Variants in CUL3 observed in about 807,000 individuals in gnomAD.
CUL3 encodes cullin-3.
A neutral mutation model predicts 89.1 loss-of-function variants in CUL3; 19 were observed. The ratio of observed to expected loss-of-function variants is 0.21; its 90% CI spans 0.15 to 0.31. The LOEUF (loss-of-function observed/expected upper bound fraction) is 0.31, where lower values mean the gene tolerates loss of function less well. Ranked by LOEUF, CUL3 falls within the 10% of genes least tolerant of loss-of-function variation. The probability of loss-of-function intolerance (pLI) is 1.00; values close to 1 mark genes in which losing one functional copy is unlikely to be tolerated. For synonymous variants in CUL3, 351 were observed against 308.4 expected (o/e 1.14, Z -1.45); for missense variants, 469 against 942.3 (o/e 0.50, Z 6.58).
At chr2:224,517,056 A>T (rs1046479694) in intron 3 of CUL3, among the ~76,000 whole-genome samples, 22 of 148,498 alleles carry the variant, frequency 1.5e-4, no homozygotes, top group Non-Finnish European at 3.2e-4. Flanking sequence ...ACTAGCATAA[A>T]TTTAATAATT....
In CUL3 at chr2:224,472,048, T is replaced by A. The variant is rs1484686953; in HGVS notation, c.*2197A>T. 1.3e-5 allele frequency: 3 copies of A among 231,126 alleles called. No homozygotes were observed. Among genetic ancestry groups the A allele is most frequent in the Admixed American group, 1.1e-4 (2 of 17,718 alleles). 14.3% of individuals were successfully genotyped at this position (231,126 alleles called of 1,614,324 possible). ...AACCTTTATGACCTAAAATAATACTTATGCAGTCAAACATATAAACATTTT... is the reference window on the plus strand; with the variant it reads ...AACCTTTATGACCTAAAATAATACTAATGCAGTCAAACATATAAACATTTT... On this transcript the variant is annotated 3_prime_UTR_variant, in exon 16 of 16. Transcript: ENST00000264414.
At chr2:224,521,975 G>T (rs561253294) in intron 3 of CUL3, among the ~76,000 whole-genome samples, 1 of 151,004 alleles carries the variant, frequency 6.6e-6, no homozygotes, top group Non-Finnish European at 1.5e-5. Flanking sequence ...AAAGACAAAT[G>T]TAAACAGGGT....
chr2:224,529,597 C>G (rs1311005186), intron 3 of CUL3, among the ~76,000 whole-genome samples: 1 of 151,708 alleles, frequency 6.6e-6, no homozygotes, highest in East Asian at 1.9e-4. Flanking sequence ...CCACTGTACT[C>G]CGAGACTCCC....
chr2:224,474,999 G>C (rs1267407591), intron 15 of CUL3, among the ~76,000 whole-genome samples: 1 of 152,066 alleles, frequency 6.6e-6, no homozygotes, highest in African/African-American at 2.4e-5. Flanking sequence ...CTGTCATTTT[G>C]CATGTATGAG....
intron 1 of CUL3, among the ~76,000 whole-genome samples, chr2:224,564,073 G>A (rs565259493): frequency 1.9e-4 from 29 of 152,210 alleles, no homozygotes; most frequent in African/African-American, 5.8e-4. Context: ...TTCACTTGAG[G>A]CCACAAGTTC....
At chr2:224,536,902 C>T (rs1484790975) in intron 2 of CUL3, among the ~76,000 whole-genome samples, 1 of 152,176 alleles carries the variant, frequency 6.6e-6, no homozygotes, top group Non-Finnish European at 1.5e-5. Context: ...GTTCCTGTAA[C>T]ACTTTGGGAC....
chr2:224,574,919 A>G (rs1695265768), intron 1 of CUL3, among the ~76,000 whole-genome samples: 1 of 152,208 alleles, frequency 6.6e-6, no homozygotes, highest in Middle Eastern at 3.2e-3. Context: ...AAGTCATAAA[A>G]AAGACTGAGG....
intron 1 of CUL3, among the ~76,000 whole-genome samples, chr2:224,572,739 A>T (rs1695210985): frequency 1.3e-5 from 2 of 151,026 alleles, no homozygotes. Context: ...GCTGACAGAG[A>T]GTTTATTTTT....
intron 2 of CUL3, among the ~76,000 whole-genome samples, chr2:224,549,091 G>A (rs1302984102): frequency 6.6e-6 from 1 of 152,112 alleles, no homozygotes; most frequent in Non-Finnish European, 1.5e-5. Flanking sequence ...AAGGCGGGTG[G>A]ATCATTGATG....
chr2:224,510,300 T>G (rs1034179609), intron 6 of CUL3, among the ~76,000 whole-genome samples: 16 of 93,092 alleles, frequency 1.7e-4, no homozygotes, highest in East Asian at 7.5e-4. Context: ...GTTTTTTTTG[T>G]TTTTTTTTTG....
rs1695209664 is a variant in CUL3, at chr2:224,572,694, C to G, written c.66+12250G>C. Among the ~76,000 whole-genome samples, 2 of 150,932 alleles carry G rather than the reference C, an allele frequency of 1.3e-5. 1 individual carries two copies. Among genetic ancestry groups the G allele is most frequent in the Admixed American group, 1.3e-4 (2 of 15,142 alleles). ...AGTGATTAACTCATAAGGGTAGAAC[C>G]CTTGTGAATGGGATTAGGTGGCCTT... On this transcript the variant is annotated intron_variant, in intron 1 of 15. Coordinates refer to ENST00000264414, the MANE Select transcript of CUL3 (RefSeq NM_003590.5).
chr2:224,491,767 A>ACGGAATG (rs938644686), intron 13 of CUL3, among the ~76,000 whole-genome samples: 1 of 152,156 alleles, frequency 6.6e-6, no homozygotes, highest in African/African-American at 2.4e-5. Context: ...CCACTTTTAT[A>ACGGAATG]AGGAATGAGG....
intron 3 of CUL3, among the ~76,000 whole-genome samples, chr2:224,517,420 C>T (rs1009707204): frequency 1.3e-5 from 2 of 152,194 alleles, no homozygotes; most frequent in African/African-American, 4.8e-5. Flanking sequence ...CGCCTGTAAT[C>T]CCAGCACTTT....
Position 224,472,387 on chromosome 2 carries a change from TGTTAAATATCATTTAAC to T in CUL3, c.*1841_*1857del, listed in dbSNP as rs1691162960. 1 of 208,002 alleles carries T rather than the reference TGTTAAATATCATTTAAC, an allele frequency of 4.8e-6. No homozygotes were observed. Among genetic ancestry groups the T allele is most frequent in the Non-Finnish European group, 9.8e-6 (1 of 102,300 alleles). 12.9% of individuals were successfully genotyped at this position (208,002 alleles called of 1,614,324 possible). A position where few individuals can be genotyped will look rare whatever the true frequency, so the allele number is the denominator to read the frequency against. On this transcript the variant is annotated 3_prime_UTR_variant, in exon 16 of 16. Coordinates refer to ENST00000264414, the MANE Select transcript of CUL3 (RefSeq NM_003590.5). ...ATCTGAGCTGTCCTGTTTTCCCAGG[TGTTAAATATCATTTAAC>T]TGGGAAATGAAAGCAATAAAAAAAT...
intron 1 of CUL3, among the ~76,000 whole-genome samples, chr2:224,581,999 T>C (rs1328656069): frequency 1.3e-5 from 2 of 148,320 alleles, no homozygotes; most frequent in Non-Finnish European, 3.0e-5. Context: ...AGTTTCGCTT[T>C]TGTTGCCCAG....
intron 2 of CUL3, among the ~76,000 whole-genome samples, chr2:224,544,347 G>GT (rs1279070505): frequency 6.6e-6 from 1 of 152,132 alleles, no homozygotes; most frequent in Non-Finnish European, 1.5e-5. Context: ...CATGTTGCCT[G>GT]TTTCATCTGT....
At chr2:224,504,710 A>C (rs746340448) in intron 8 of CUL3, among the ~76,000 whole-genome samples, 32 of 152,212 alleles carry the variant, frequency 2.1e-4, no homozygotes, top group Non-Finnish European at 4.3e-4. Flanking sequence ...AGACTTTTCT[A>C]TTCTGTGCAA....
chr2:224,488,720 C>A (rs1050916640), intron 13 of CUL3, among the ~76,000 whole-genome samples: 6 of 152,152 alleles, frequency 3.9e-5, no homozygotes, highest in Non-Finnish European at 8.8e-5. Flanking sequence ...TGAAACTATT[C>A]CAAACAATAT....
intron 3 of CUL3, among the ~76,000 whole-genome samples, chr2:224,522,809 C>G (rs1374320589): frequency 1.4e-5 from 2 of 146,748 alleles, no homozygotes; most frequent in Non-Finnish European, 3.0e-5. Context: ...GCCTGGGTGA[C>G]AGCGTGAGAC....
Sources: gnomAD v4.1 joint callset for allele counts (sites outside exome capture counted in the v4.1 genomes callset) on GRCh38, gnomAD v4.1.1 for gene constraint, MANE v1.5 for transcripts, NCBI Gene and HGNC (gene_info 2026-07-23, HGNC 2026-07-21) for gene names.